TTLL3: variants seen among roughly 807,000 people sequenced by gnomAD.
TTLL3 encodes tubulin monoglycylase TTLL3.
TTLL3 carries 63 observed loss-of-function variants against 75.2 expected under a neutral mutation model. That is an observed-to-expected ratio of 0.84 (90% confidence interval 0.68 to 1.03). The LOEUF is 1.03. Among genes scored for constraint, TTLL3 ranks in the 50% least tolerant of loss-of-function variants. TTLL3 has a pLI of 0.00. For synonymous variants in TTLL3, 393 were observed against 418.5 expected, an observed-to-expected ratio of 0.94 and a Z score of 0.74; for missense variants, 997 against 1,069.9, an observed-to-expected ratio of 0.93 and a Z score of 0.95.
intron 13 of TTLL3, 40 bp downstream of exon 13, chr3:9,834,947 T>C: frequency 6.2e-7 from 1 of 1,614,114 alleles, no homozygotes; most frequent in South Asian, 1.1e-5. Context: ...TGGACAGTGC[T>C]GAGCACGGGG....
chr3:9,832,901 C>G (rs1051659580), intron 11 of TTLL3, among the ~76,000 whole-genome samples: 3 of 152,174 alleles, frequency 2.0e-5, no homozygotes, highest in African/African-American at 4.8e-5. Context: ...TAGGATTCCC[C>G]CTTCCTCTGG....
At chr3:9,812,329 A>G (rs1334219436) in intron 2 of TTLL3, among the ~76,000 whole-genome samples, 1 of 152,210 alleles carries the variant, frequency 6.6e-6, no homozygotes, top group Non-Finnish European at 1.5e-5. Flanking sequence ...AGCGTGGCCA[A>G]TATGGTGAAA....
In TTLL3 at chr3:9,820,620, G is replaced by A; in HGVS notation, c.733G>A (p.Ala245Thr). 6.2e-7 allele frequency: 1 copy of A among 1,614,094 alleles called. No individual in the cohort carries two copies. The highest frequency in any genetic ancestry group is 8.5e-7 in the Non-Finnish European group (1 of 1,179,990). Residue 245 changes from alanine (A) to threonine (T), a missense_variant, in exon 8 of 14, where the codon GCG becomes ACG. Physicochemically the swap from Ala to Thr is moderately conservative, Grantham distance 58. Transcript: ENST00000685419. Reference sequence around the variant, plus strand: ...AGAGTTTGTGGATGAAGCTCTGTGTGCGTGCGAGGAGTACCTTAGCAACTT... The same window carrying A: ...AGAGTTTGTGGATGAAGCTCTGTGTACGTGCGAGGAGTACCTTAGCAACTT... ...SPEFVDEALC[A>T]CEEYLSNLAH...
chr3:9,819,056 C>A, intron 7 of TTLL3, 136 bp downstream of exon 7: 1 of 1,125,876 alleles, frequency 8.9e-7, no homozygotes, highest in Non-Finnish European at 1.3e-6. Flanking sequence ...TGATTCACAT[C>A]TACCCATCTA....
At position 9,820,843 on chromosome 3, in the gene TTLL3, G is replaced by A. The variant is rs561259211; in HGVS notation, c.854+102G>A. 438 of 1,495,426 alleles carry A rather than the reference G, an allele frequency of 2.9e-4. 4 individuals are homozygous for A. In the Middle Eastern group the frequency reaches 3.4e-3, roughly 12 times the overall value. The allele number at this position is 1,495,426 out of a possible 1,614,324, so 92.6% of individuals were successfully genotyped here. On this transcript the variant is annotated intron_variant, in intron 8 of 13. Coordinates refer to ENST00000685419, the MANE Select transcript of TTLL3 (RefSeq NM_001387446.1). ...TACCCCTTCCCCAAGCCTCCCGCTCGTTTACCCCGCTGTTCTGCTCAGGAA... is the reference window on the plus strand; with the variant it reads ...TACCCCTTCCCCAAGCCTCCCGCTCATTTACCCCGCTGTTCTGCTCAGGAA...
chr3:9,817,794 G>T, intron 6 of TTLL3, 35 bp downstream of exon 6: 2 of 1,613,598 alleles, frequency 1.2e-6, no homozygotes, highest in Non-Finnish European at 1.7e-6. Context: ...CTGAACCTCA[G>T]GCTGACAGAG....
rs2124956189 is a variant in TTLL3 at position 9,829,394 on chromosome 3, A to G, written c.1682A>G (p.Gln561Arg). ...GGAGCCTTTGAGCTCATCTATAAGC[A>G]GGTGAGGAGGTTGGGCCCAGGCAGG... Reference protein sequence around the residue: ...DTGAFELIYKQPAVEVPQYVG... With the variant: ...DTGAFELIYKRPAVEVPQYVG... The change falls in exon 11 of 14, where the codon CAG becomes CGG. Residue 561 changes from glutamine to arginine, a missense_variant and splice_region_variant. Physicochemically the swap from Gln to Arg is conservative, Grantham distance 43. Transcript: ENST00000685419. 1 of 1,582,592 alleles carries G rather than the reference A, an allele frequency of 6.3e-7. No homozygotes were observed. The highest frequency in any genetic ancestry group is 8.6e-7 in the Non-Finnish European group (1 of 1,161,028).
At position 9,812,961 on chromosome 3, in the gene TTLL3, A is replaced by G. The variant is rs764744468; in HGVS notation, c.67A>G (p.Ile23Val). The G allele has an allele frequency of 6.6e-7, 1 of 1,518,394 alleles. No individual in the cohort carries two copies. Among genetic ancestry groups the G allele is most frequent in the South Asian group, 1.3e-5 (1 of 75,638 alleles). 94.1% of individuals were successfully genotyped at this position (1,518,394 alleles called of 1,614,324 possible). A position where few individuals can be genotyped will look rare whatever the true frequency, so the allele number is the denominator to read the frequency against. ...RAVKQKKIFT[I>V]QGCYPVIRCL... ...ATTGCAGCAGAAGAAGATCTTTACA[A>G]TCCAAGGCTGCTACCCGGTGATCCG... Residue 23 changes from isoleucine (I) to valine (V), a missense_variant, in exon 3 of 14, where the codon ATC becomes GTC. Ile to Val is a conservative substitution (Grantham distance 29). Coordinates refer to ENST00000685419, the MANE Select transcript of TTLL3 (RefSeq NM_001387446.1).
chr3:9,816,142 C>T lies in TTLL3; in HGVS notation c.384C>T (p.Arg128=). ...CTCGGCGGGATGTGCTCGACTGTCGCTTCCTCTCCAAGGATCAGATGATAA... is the reference window on the plus strand; with the variant it reads ...CTCGGCGGGATGTGCTCGACTGTCGTTTCCTCTCCAAGGATCAGATGATAA... ...WTTRRDVLDC[R]FLSKDQMINH... Residue 128 remains arginine (R), a synonymous_variant, in exon 5 of 14, where the codon CGC becomes CGT. Transcript: ENST00000685419. The T allele has an allele frequency of 5.9e-6, 8 of 1,352,686 alleles. No individual in the cohort carries two copies. Among genetic ancestry groups the T allele is most frequent in the Non-Finnish European group, 7.9e-6 (8 of 1,015,192 alleles). The allele number at this position is 1,352,686 out of a possible 1,614,324, so 83.8% of individuals were successfully genotyped here.
At chr3:9,817,904 T>C in intron 6 of TTLL3, 145 bp downstream of exon 6, 1 of 1,082,188 alleles carries the variant, frequency 9.2e-7, no homozygotes, top group Non-Finnish European at 1.3e-6. Context: ...TCAATCCTTA[T>C]CCTTCCCTAA....
chr3:9,809,827 A>G (rs1039001973), upstream of TTLL3: 35 of 440,340 alleles, frequency 7.9e-5, no homozygotes, highest in African/African-American at 4.9e-4. Flanking sequence ...GCAGCCCCCA[A>G]CCAGCCCCGA....
At chr3:9,817,565 G>T in intron 5 of TTLL3, 80 bp from the exon 6 acceptor site, 1 of 1,608,100 alleles carries the variant, frequency 6.2e-7, no homozygotes, top group Non-Finnish European at 8.5e-7. Context: ...CGCAGATCCA[G>T]TCAGAGTCTT....
At chr3:9,818,943 C>T (rs376190214) in intron 7 of TTLL3, 23 bp downstream of exon 7, 5 of 1,613,784 alleles carry the variant, frequency 3.1e-6, no homozygotes, top group Middle Eastern at 1.6e-4. Context: ...GTTACCTCCA[C>T]TCTCCCACCC....
chr3:9,831,471 A>G (rs940157993), intron 11 of TTLL3, among the ~76,000 whole-genome samples: 4 of 152,162 alleles, frequency 2.6e-5, no homozygotes, highest in African/African-American at 9.7e-5. Flanking sequence ...AGAGTGTCTC[A>G]CAGTTAGTGC....
At chr3:9,834,962 G>C in intron 13 of TTLL3, 55 bp downstream of exon 13, 1 of 1,613,094 alleles carries the variant, frequency 6.2e-7, no homozygotes, top group Non-Finnish European at 8.5e-7. Flanking sequence ...ACGGGGTCAG[G>C]GCTGGAGGGC....
chr3:9,829,555 T>A (rs2081339763), intron 11 of TTLL3, among the ~76,000 whole-genome samples, 160 bp downstream of exon 11: 1 of 152,230 alleles, frequency 6.6e-6, no homozygotes, highest in African/African-American at 2.4e-5. Flanking sequence ...CTCAGTTTCC[T>A]GATCTTTGAA....
chr3:9,817,036 C>T (rs1197712820), intron 5 of TTLL3, among the ~76,000 whole-genome samples: 1 of 152,122 alleles, frequency 6.6e-6, no homozygotes, highest in Non-Finnish European at 1.5e-5. Flanking sequence ...GAACTCCTGG[C>T]CTCTGGCCTC....
chr3:9,819,457 A>G (rs568681515), intron 7 of TTLL3: 7 of 985,694 alleles, frequency 7.1e-6, no homozygotes, highest in Non-Finnish European at 8.5e-6. Context: ...AGCACCCTGG[A>G]GAGGGCAGAC....
rs13323317 is a variant in TTLL3, at chr3:9,827,280, G to A, written c.1247+40G>A. The A allele has an allele frequency of 1.0e-3, 1,670 of 1,603,688 alleles. 17 individuals are homozygous for A. The African/African-American group carries it at 0.019, about 19-fold the overall frequency. ...TCGCCTCCCACGAGCTCCCTGCCTA[G>A]TTGGGGAGCTGGCAAGCAAACAGGC... On this transcript the variant is annotated intron_variant, in intron 10 of 13. Transcript: ENST00000685419.
Sources: gnomAD v4.1 joint callset for allele counts (sites outside exome capture counted in the v4.1 genomes callset) on GRCh38, gnomAD v4.1.1 for gene constraint, MANE v1.5 for transcripts, NCBI Gene and HGNC (gene_info 2026-07-23, HGNC 2026-07-21) for gene names.